OR7E24: variants seen among roughly 807,000 people sequenced by gnomAD.
The protein encoded by OR7E24 is olfactory receptor family 7 subfamily E member 24, also known as olfactory receptor 7E24.
For missense variants in OR7E24, 385 were observed against 410.3 expected, an observed-to-expected ratio of 0.94 and a Z score of 0.53; for synonymous variants, 130 against 157.5, an observed-to-expected ratio of 0.83 and a Z score of 1.31.
chr19:9,235,128 T>G, the OR7E24 span: 6 of 905,912 alleles, frequency 6.6e-6, no homozygotes, highest in African/African-American at 6.6e-5. Context: ...CCTTCCCCAG[T>G]AGACACAACA....
At chr19:9,242,626 A>C (rs1341037113), upstream of OR7E24, among the ~76,000 whole-genome samples, 10 of 152,180 alleles carry the variant, frequency 6.6e-5, no homozygotes, top group Admixed American at 3.9e-4. Context: ...GGTGAACTAT[A>C]ACCTGGCAAC....
At chr19:9,216,717 A>C in the OR7E24 span, among the ~76,000 whole-genome samples, 1 of 151,744 alleles carries the variant, frequency 6.6e-6, no homozygotes, top group East Asian at 1.9e-4. Context: ...TCAGCCTCCC[A>C]AGTAGCTGGG....
the OR7E24 span, among the ~76,000 whole-genome samples, chr19:9,225,191 A>G: frequency 6.6e-6 from 1 of 152,034 alleles, no homozygotes; most frequent in Admixed American, 6.6e-5. Context: ...CCTGACCAAC[A>G]TGGGGAAACC....
the OR7E24 span, chr19:9,213,275 A>G: frequency 1.3e-5 from 2 of 152,418 alleles, no homozygotes; most frequent in African/African-American, 4.8e-5. Context: ...TACACATCAA[A>G]TTAGAAGTCT....
the OR7E24 span, among the ~76,000 whole-genome samples, chr19:9,228,240 A>G: frequency 9.9e-5 from 15 of 152,106 alleles, no homozygotes; most frequent in Middle Eastern, 3.2e-3. Flanking sequence ...TTTTGGACCC[A>G]TGGATTTTAT....
At chr19:9,234,566 A>G in the OR7E24 span, among the ~76,000 whole-genome samples, 2 of 152,234 alleles carry the variant, frequency 1.3e-5, no homozygotes, top group Non-Finnish European at 2.9e-5. Flanking sequence ...GTAACTAGAA[A>G]AGAGGACGTG....
rs1962928241 is a variant in OR7E24, at chr19:9,252,119, T to TA, written c.*57dup. The TA allele has an allele frequency of 6.8e-7, 1 of 1,473,042 alleles. No individual in the cohort carries two copies. Among genetic ancestry groups the TA allele is most frequent in the African/African-American group, 1.4e-5 (1 of 71,704 alleles). 91.2% of individuals were successfully genotyped at this position (1,473,042 alleles called of 1,614,324 possible). A position where few individuals can be genotyped will look rare whatever the true frequency, so the allele number is the denominator to read the frequency against. On this transcript the variant is annotated 3_prime_UTR_variant, in exon 1 of 1. Coordinates refer to ENST00000456448, the MANE Select transcript of OR7E24 (RefSeq NM_001079935.2). ...GCAAATTCTGCCTCCTTGGTCACAT[T>TA]ATTTTGGTTGCTTGATGGCTTTCAT...
chr19:9,214,587 C>T, the OR7E24 span: 2,520 of 1,613,742 alleles, frequency 1.6e-3, 31 homozygotes, highest in African/African-American at 0.024. Context: ...TGCCTGGATG[C>T]TCACTAGCAT....
the OR7E24 span, chr19:9,236,189 A>G: frequency 3.0e-6 from 2 of 662,130 alleles, no homozygotes; most frequent in African/African-American, 1.8e-5. Context: ...GCAGTTTCCT[A>G]TTTTCAAAGC....
the OR7E24 span, among the ~76,000 whole-genome samples, chr19:9,232,743 C>T: frequency 5.9e-5 from 9 of 151,998 alleles, no homozygotes; most frequent in Non-Finnish European, 1.0e-4. Context: ...ATGAAACCTC[C>T]GCTGTTAAAC....
At chr19:9,223,996 G>A in the OR7E24 span, among the ~76,000 whole-genome samples, 1 of 151,966 alleles carries the variant, frequency 6.6e-6, no homozygotes, top group East Asian at 1.9e-4. Context: ...GATAACAGGT[G>A]TGTGCCACCA....
chr19:9,209,842 A>G, the OR7E24 span: 7 of 151,994 alleles, frequency 4.6e-5, no homozygotes, highest in African/African-American at 1.7e-4. Context: ...TTTATTAGAG[A>G]CAGGGTTTCA....
At chr19:9,241,721 G>T in the OR7E24 span, among the ~76,000 whole-genome samples, 8 of 152,262 alleles carry the variant, frequency 5.3e-5, no homozygotes, top group Non-Finnish European at 8.8e-5. Context: ...CTGAGATTGC[G>T]CCATTGCATT....
the OR7E24 span, among the ~76,000 whole-genome samples, chr19:9,217,042 A>G: frequency 1.3e-5 from 2 of 152,240 alleles, no homozygotes; most frequent in Non-Finnish European, 2.9e-5. Flanking sequence ...ACCACCACAC[A>G]GGACTCTCAA....
chr19:9,231,237 G>C, the OR7E24 span, among the ~76,000 whole-genome samples: 2 of 152,030 alleles, frequency 1.3e-5, no homozygotes, highest in Non-Finnish European at 2.9e-5. Context: ...AAATGCTATA[G>C]TGTTTTAATA....
chr19:9,232,385 A>T, the OR7E24 span, among the ~76,000 whole-genome samples: 3 of 151,956 alleles, frequency 2.0e-5, no homozygotes, highest in African/African-American at 7.3e-5. Flanking sequence ...TAAAAATACA[A>T]AAATTAGCCA....
At position 9,251,616 on chromosome 19, in the gene OR7E24, C is replaced by A. The variant is rs1599234961; in HGVS notation, c.573C>A (p.Asp191Glu). Residue 191 changes from aspartate (D) to glutamate (E), a missense_variant, in exon 1 of 1, where the codon GAC becomes GAA. Physicochemically the swap from Asp to Glu is conservative, Grantham distance 45. Transcript: ENST00000456448. ...AGCTCACCTGCTTCAAGGATGTGGA[C>A]ATTTCTAATTTCTTCTGTGACCCTT... ...MLQLTCFKDV[D>E]ISNFFCDPSQ... is the part of the protein sequence containing the mutation. 6.2e-7 allele frequency: 1 copy of A among 1,613,236 alleles called. No homozygotes were observed. The highest frequency in any genetic ancestry group is 8.5e-7 in the Non-Finnish European group (1 of 1,179,602).
chr19:9,215,127 G>C, the OR7E24 span, among the ~76,000 whole-genome samples: 1 of 151,990 alleles, frequency 6.6e-6, no homozygotes, highest in Non-Finnish European at 1.5e-5. Flanking sequence ...GGCAGATCAC[G>C]AGGTCAAGAG....
At chr19:9,230,753 G>T in the OR7E24 span, among the ~76,000 whole-genome samples, 2 of 152,142 alleles carry the variant, frequency 1.3e-5, no homozygotes, top group Non-Finnish European at 2.9e-5. Context: ...ACAGTGCCAT[G>T]TAAAAAATAA....
Sources: allele counts gnomAD v4.1 joint callset (sites outside exome capture counted in the v4.1 genomes callset), GRCh38; gene constraint gnomAD v4.1.1; transcripts MANE v1.5; gene names NCBI Gene and HGNC (gene_info 2026-07-23, HGNC 2026-07-21).